The following LIFR variants were observed in gnomAD, a reference collection of about 807,000 sequenced individuals.
LIFR encodes LIF receptor subunit alpha, also known as leukemia inhibitory factor receptor.
In LIFR, 84 loss-of-function variants were observed where a neutral mutation model predicts 122.2. The observed-to-expected ratio is 0.69, with a 90% CI of 0.58 to 0.82. The LOEUF (loss-of-function observed/expected upper bound fraction) is 0.82. LIFR is among the 40% of genes least tolerant of loss of function. LIFR has a pLI of 0.00. For missense variants in LIFR, 1,294 were observed against 1,311.6 expected (o/e 0.99, Z 0.21); for synonymous variants, 422 against 434.7 (o/e 0.97, Z 0.36).
intron 4 of LIFR, among the ~76,000 whole-genome samples, chr5:38,524,393 G>T (rs1746561619): frequency 6.6e-6 from 1 of 152,268 alleles, no homozygotes; most frequent in South Asian, 2.1e-4. Flanking sequence ...AGACTGCGGG[G>T]GATTGAGACA....
chr5:38,493,656 A>C lies in LIFR; in HGVS notation c.2015T>G (p.Met672Arg). The change falls in exon 14 of 20, where the codon ATG becomes AGG. Residue 672 changes from methionine (M) to arginine (R), a missense_variant. By Grantham distance (91) the Met-to-Arg change is moderately conservative (BLOSUM62 -1). Coordinates refer to ENST00000453190, the MANE Select transcript of LIFR (RefSeq NM_001127671.2). ...CNSSRSEPCL[M>R]DWRKVPSNST... ...GTTTGAGGGAACTTTTCTCCAGTCC[A>C]TAAGGCATGGTTCCGACCGAGACGA... is the stretch of plus-strand genomic sequence containing the variant. The C allele has an allele frequency of 6.2e-7, 1 of 1,614,234 alleles. No individual in the cohort carries two copies. The highest frequency in any genetic ancestry group is 8.5e-7 in the Non-Finnish European group (1 of 1,180,036).
At chr5:38,564,743 C>T (rs1028567408) in intron 1 of LIFR, among the ~76,000 whole-genome samples, 13 of 75,658 alleles carry the variant, frequency 1.7e-4, no homozygotes, top group African/African-American at 5.2e-4. Context: ...ACTACACACA[C>T]ACACACACAC....
chr5:38,561,667 G>A (rs1452938117), intron 1 of LIFR, among the ~76,000 whole-genome samples: 3 of 152,142 alleles, frequency 2.0e-5, no homozygotes, highest in Admixed American at 2.0e-4. Flanking sequence ...GAATGTTATC[G>A]TTATTATAAT....
At chr5:38,570,554 ACTTTCC>A (rs1749175860) in intron 1 of LIFR, among the ~76,000 whole-genome samples, 1 of 152,026 alleles carries the variant, frequency 6.6e-6, no homozygotes, top group Non-Finnish European at 1.5e-5. Flanking sequence ...AACATTATGC[ACTTTCC>A]CGGTGTTGCA....
At chr5:38,484,644 T>C (rs1201059085) in intron 18 of LIFR, 131 bp downstream of exon 18, 1 of 678,822 alleles carries the variant, frequency 1.5e-6, no homozygotes, top group Admixed American at 2.3e-5. Context: ...ACATTAATTC[T>C]AATTAAAACA....
intron 1 of LIFR, among the ~76,000 whole-genome samples, chr5:38,568,923 T>A (rs1749116603): frequency 6.6e-6 from 1 of 152,210 alleles, no homozygotes; most frequent in Non-Finnish European, 1.5e-5. Context: ...GTTCTGAGGC[T>A]GAGATGGCCC....
chr5:38,491,709 G>C (rs1210677662), intron 14 of LIFR, among the ~76,000 whole-genome samples: 1 of 152,162 alleles, frequency 6.6e-6, no homozygotes, highest in Non-Finnish European at 1.5e-5. Context: ...AAGAAAAACT[G>C]AATCAACTTG....
At position 38,564,775 on chromosome 5, in the gene LIFR, CACAT is replaced by C. The variant is rs1187856627; in HGVS notation, c.-20+30482_-20+30485del. ...ACACACACACACACACACACACACACACATATATTTTTTTTTTGAGTCAGAGTCT... is the reference window on the plus strand; with the variant it reads ...ACACACACACACACACACACACACACATATTTTTTTTTTGAGTCAGAGTCT... On this transcript the variant is annotated intron_variant, in intron 1 of 19. Coordinates refer to the LIFR transcript ENST00000263409. Among the ~76,000 whole-genome samples the C allele has an allele frequency of 3.3e-3, 442 of 132,660 alleles. 3 individuals are homozygous for C. Among genetic ancestry groups the C allele is most frequent in the Admixed American group, 4.0e-3 (51 of 12,808 alleles). The allele number at this position is 132,660 out of a possible 152,430, so 87.0% of individuals were successfully genotyped here. A position where few individuals can be genotyped will look rare whatever the true frequency, so the allele number is the denominator to read the frequency against.
rs576106981 is a variant in LIFR at position 38,476,977 on chromosome 5, A to G, written c.*4618T>C. The G allele has an allele frequency of 9.5e-5, 21 of 222,028 alleles. No homozygotes were observed. The highest frequency in any genetic ancestry group is 2.7e-4 in the African/African-American group (12 of 44,844). 13.8% of individuals were successfully genotyped at this position (222,028 alleles called of 1,614,324 possible). On this transcript the variant is annotated 3_prime_UTR_variant, in exon 20 of 20. Coordinates refer to ENST00000453190, the MANE Select transcript of LIFR (RefSeq NM_001127671.2). Reference sequence around the variant, plus strand: ...TAGAATCCTGTCATAACCCAATATCATAATTACAAGGATCTGGATATATTC... The same window carrying G: ...TAGAATCCTGTCATAACCCAATATCGTAATTACAAGGATCTGGATATATTC...
At chr5:38,513,546 G>A (rs144164341) in intron 5 of LIFR, among the ~76,000 whole-genome samples, 21 of 152,330 alleles carry the variant, frequency 1.4e-4, no homozygotes, top group African/African-American at 5.1e-4. Flanking sequence ...GAAGAGATGA[G>A]AATGGGGACT....
chr5:38,595,658 G>A (rs2071236), upstream of LIFR, among the ~76,000 whole-genome samples: 50,844 of 151,190 alleles, frequency 0.34, 9,035 homozygotes, highest in Middle Eastern at 0.43. Context: ...TCAGATGTCA[G>A]TGTGAAAGGA....
chr5:38,565,409 C>G (rs189695552), intron 1 of LIFR, among the ~76,000 whole-genome samples: 1 of 151,884 alleles, frequency 6.6e-6, no homozygotes, highest in East Asian at 1.9e-4. Flanking sequence ...AGAAAGGCCA[C>G]GTAAAAGAAT....
upstream of LIFR, chr5:38,556,770 C>G (rs1460407146): frequency 6.8e-6 from 1 of 147,554 alleles, no homozygotes; most frequent in African/African-American, 2.4e-5. Flanking sequence ...CCGCCGATCC[C>G]CGGCCGCGCG....
rs917863693 is a variant in LIFR at position 38,479,497 on chromosome 5, G to C, written c.*2098C>G. 4.3e-6 allele frequency: 1 copy of C among 231,420 alleles called. No individual in the cohort carries two copies. Among genetic ancestry groups the C allele is most frequent in the African/African-American group, 2.2e-5 (1 of 45,260 alleles). 14.3% of individuals were successfully genotyped at this position (231,420 alleles called of 1,614,324 possible). Reference sequence around the variant, plus strand: ...AGGGCCCTGGATCCAGATGGTCACAGTTGAAATGCATATATATTGACAGAC... The same window carrying C: ...AGGGCCCTGGATCCAGATGGTCACACTTGAAATGCATATATATTGACAGAC... On this transcript the variant is annotated 3_prime_UTR_variant, in exon 20 of 20. Transcript: ENST00000453190.
At chr5:38,490,429 T>C (rs1744522457) in intron 14 of LIFR, 138 bp from the exon 15 acceptor site, 1 of 448,396 alleles carries the variant, frequency 2.2e-6, no homozygotes, top group South Asian at 4.5e-5. Flanking sequence ...AATACATATA[T>C]ATTTTAAAGA....
intron 1 of LIFR, among the ~76,000 whole-genome samples, chr5:38,533,219 T>A (rs573686181): frequency 1.3e-5 from 2 of 152,316 alleles, no homozygotes; most frequent in South Asian, 4.2e-4. Context: ...TGCCCAAGGG[T>A]GACCAGTTTG....
intron 1 of LIFR, among the ~76,000 whole-genome samples, chr5:38,567,194 T>C (rs1749052723): frequency 2.6e-5 from 4 of 152,190 alleles, no homozygotes; most frequent in Admixed American, 2.6e-4. Flanking sequence ...CCAATTCTGG[T>C]GATCTACTTT....
intron 12 of LIFR, among the ~76,000 whole-genome samples, chr5:38,498,658 G>A (rs1372031625): frequency 2.6e-5 from 4 of 152,098 alleles, no homozygotes; most frequent in African/African-American, 4.8e-5. Context: ...TTAAGTTTTC[G>A]TCTAGTTTGA....
chr5:38,542,168 T>C (rs949496064), intron 1 of LIFR, among the ~76,000 whole-genome samples: 1 of 152,226 alleles, frequency 6.6e-6, no homozygotes, highest in Non-Finnish European at 1.5e-5. Flanking sequence ...AATCTTACTC[T>C]AGTAAATCCC....
Sources: gnomAD v4.1 joint callset for allele counts (sites outside exome capture counted in the v4.1 genomes callset) on GRCh38, gnomAD v4.1.1 for gene constraint, MANE v1.5 for transcripts, NCBI Gene and HGNC (gene_info 2026-07-23, HGNC 2026-07-21) for gene names.